The following EPB41L4B variants were observed in gnomAD, a reference collection of about 807,000 sequenced individuals.
EPB41L4B encodes the protein band 4.1-like protein 4B.
In EPB41L4B, 30 loss-of-function variants were observed where a neutral mutation model predicts 112.5. The observed-to-expected ratio is 0.27, with a 90% confidence interval of 0.20 to 0.36. The LOEUF is 0.36. Among genes scored for constraint, EPB41L4B ranks in the 10% least tolerant of loss-of-function variants. The pLI is 1.00. For synonymous variants in EPB41L4B, 408 were observed against 439.7 expected (o/e 0.93, Z 0.90); for missense variants, 1,024 against 1,133.3 (o/e 0.90, Z 1.38).
chr9:109,205,177 A>G (rs1027317789), intron 18 of EPB41L4B, among the ~76,000 whole-genome samples: 3 of 152,208 alleles, frequency 2.0e-5, no homozygotes, highest in Admixed American at 1.3e-4. Context: ...CAGAATTATC[A>G]GGGAGAATCC....
intron 15 of EPB41L4B, among the ~76,000 whole-genome samples, chr9:109,233,895 A>G (rs1834045495): frequency 2.0e-5 from 3 of 152,184 alleles, no homozygotes; most frequent in African/African-American, 7.2e-5. Context: ...CCCTTTCCTC[A>G]CTATTATAAA....
At position 109,172,922 on chromosome 9, in the gene EPB41L4B, T is replaced by C. The variant is rs1471550496; in HGVS notation, c.*1632A>G. 1 of 152,588 alleles carries C rather than the reference T, an allele frequency of 6.6e-6. No homozygotes were observed. Among genetic ancestry groups the C allele is most frequent in the Admixed American group, 6.6e-5 (1 of 15,262 alleles). 9.5% of individuals were successfully genotyped at this position (152,588 alleles called of 1,614,324 possible). A position where few individuals can be genotyped will look rare whatever the true frequency, so the allele number is the denominator to read the frequency against. ...AGGAGAGGGGCAGGAGAGCAAACTA[T>C]ACAATATAACATAAAAATACAGTTC... is the stretch of plus-strand genomic sequence containing the variant. On this transcript the variant is annotated 3_prime_UTR_variant, in exon 26 of 26. Transcript: ENST00000374566.
At chr9:109,267,435 C>A in intron 4 of EPB41L4B, 38 bp downstream of exon 4, 1 of 1,391,502 alleles carries the variant, frequency 7.2e-7, no homozygotes, top group Non-Finnish European at 1.0e-6. Context: ...GTAAGGCAAG[C>A]CCTGCTGGGC....
intron 1 of EPB41L4B, among the ~76,000 whole-genome samples, chr9:109,287,087 TTAAAATCATGTG>T (rs1836316312): frequency 6.6e-6 from 1 of 152,204 alleles, no homozygotes; most frequent in South Asian, 2.1e-4. Flanking sequence ...ACCCAGCTCA[TTAAAATCATGTG>T]TAAAATAAGA....
chr9:109,258,148 C>T, intron 7 of EPB41L4B, 29 bp downstream of exon 7: 1 of 1,599,196 alleles, frequency 6.3e-7, no homozygotes, highest in South Asian at 1.1e-5. Flanking sequence ...ATAGATACAT[C>T]AGAATGCTAG....
At chr9:109,270,979 C>T (rs184190380) in intron 2 of EPB41L4B, among the ~76,000 whole-genome samples, 22 of 152,334 alleles carry the variant, frequency 1.4e-4, no homozygotes, top group Middle Eastern at 3.4e-3. Context: ...CTGAAGTTTT[C>T]CACATCCTCT....
intron 20 of EPB41L4B, among the ~76,000 whole-genome samples, chr9:109,198,925 C>CAA (rs56042513): frequency 0.03 from 3,183 of 106,770 alleles, 112 homozygotes; most frequent in East Asian, 0.13. Flanking sequence ...GGCTCTGTCT[C>CAA]AAAAAAAAAA....
intron 20 of EPB41L4B, among the ~76,000 whole-genome samples, chr9:109,198,634 C>G (rs117658101): frequency 6.6e-6 from 1 of 152,128 alleles, no homozygotes; most frequent in African/African-American, 2.4e-5. Flanking sequence ...AAGCCGGGCA[C>G]GGTGGCTCAT....
intron 1 of EPB41L4B, among the ~76,000 whole-genome samples, chr9:109,317,399 T>C (rs1837673611): frequency 6.6e-6 from 1 of 152,174 alleles, no homozygotes; most frequent in African/African-American, 2.4e-5. Context: ...AAACGTGTTT[T>C]CACCTGCGTT....
At chr9:109,191,146 C>T (rs530961083) in intron 22 of EPB41L4B, among the ~76,000 whole-genome samples, 5 of 152,200 alleles carry the variant, frequency 3.3e-5, no homozygotes, top group South Asian at 2.1e-4. Context: ...GACCCTTTGG[C>T]GCTCATGGAA....
intron 1 of EPB41L4B, among the ~76,000 whole-genome samples, 164 bp downstream of exon 1, chr9:109,319,977 G>T (rs1384262040): frequency 1.3e-5 from 2 of 152,156 alleles, no homozygotes; most frequent in Non-Finnish European, 2.9e-5. Flanking sequence ...CCGGGACGGG[G>T]TGGCCCAAGA....
intron 15 of EPB41L4B, among the ~76,000 whole-genome samples, chr9:109,229,229 T>C (rs1833876939): frequency 6.6e-6 from 1 of 152,220 alleles, no homozygotes; most frequent in African/African-American, 2.4e-5. Context: ...CAGTCTTCCT[T>C]GCTGAACAGA....
intron 1 of EPB41L4B, among the ~76,000 whole-genome samples, chr9:109,308,665 T>C (rs1837305213): frequency 1.3e-5 from 2 of 152,220 alleles, no homozygotes; most frequent in Admixed American, 6.5e-5. Flanking sequence ...ACTCAAGTGA[T>C]CCTCCCATCT....
In EPB41L4B at chr9:109,273,859, T is replaced by A. The variant is rs559841353; in HGVS notation, c.412-5426A>T. Among the ~76,000 whole-genome samples, 22 of 152,348 alleles carry A rather than the reference T, an allele frequency of 1.4e-4. No individual in the cohort carries two copies. The South Asian group carries it at 4.6e-3, about 32-fold the overall frequency. The stretch of plus-strand genomic sequence containing the variant: ...CACTCTTAGCATTTATACTCTCCTA[T>A]GTCCCCTCCAGGTATACCTAATAGT... On this transcript the variant is annotated intron_variant, in intron 2 of 25. Transcript: ENST00000374566.
chr9:109,254,659 A>G (rs1834915484), intron 11 of EPB41L4B, among the ~76,000 whole-genome samples: 1 of 152,190 alleles, frequency 6.6e-6, no homozygotes, highest in Admixed American at 6.5e-5. Context: ...ACACATGCAT[A>G]CCCACAGATT....
chr9:109,255,465 C>A, intron 11 of EPB41L4B, 46 bp downstream of exon 11: 1 of 1,600,788 alleles, frequency 6.2e-7, no homozygotes, highest in South Asian at 1.1e-5. Context: ...ATCACAGTTG[C>A]CCTCCTTCAG....
chr9:109,177,798 G>C (rs976468302), intron 24 of EPB41L4B, among the ~76,000 whole-genome samples: 2 of 151,266 alleles, frequency 1.3e-5, no homozygotes, highest in Non-Finnish European at 2.9e-5. Flanking sequence ...CTCCAGCCTG[G>C]GCACAGAGCG....
At chr9:109,204,427 C>T (rs575359260) in intron 18 of EPB41L4B, among the ~76,000 whole-genome samples, 1 of 152,274 alleles carries the variant, frequency 6.6e-6, no homozygotes, top group Non-Finnish European at 1.5e-5. Context: ...CATTATTAGC[C>T]TGTCAAGATT....
At chr9:109,178,699 C>T (rs374936869) in intron 24 of EPB41L4B, among the ~76,000 whole-genome samples, 22 of 151,978 alleles carry the variant, frequency 1.4e-4, no homozygotes, top group South Asian at 4.1e-4. Flanking sequence ...ACCTTGGCTT[C>T]CCAAAGTGCT....
Sources: gnomAD v4.1 joint callset for allele counts (sites outside exome capture counted in the v4.1 genomes callset) on GRCh38, gnomAD v4.1.1 for gene constraint, MANE v1.5 for transcripts, NCBI Gene and HGNC (gene_info 2026-07-23, HGNC 2026-07-21) for gene names.